Variants in USF3 observed in about 807,000 individuals in gnomAD.
USF3 encodes the protein basic helix-loop-helix domain-containing protein USF3.
USF3 carries 29 observed loss-of-function variants against 157.5 expected under a neutral mutation model. The ratio of observed to expected loss-of-function variants is 0.18; its 90% CI spans 0.14 to 0.25. The LOEUF (loss-of-function observed/expected upper bound fraction) is 0.25, where lower values mean the gene tolerates loss of function less well. Among genes scored for constraint, USF3 ranks in the 10% least tolerant of loss-of-function variants. The probability of loss-of-function intolerance (pLI) is 1.00; values close to 1 mark genes in which losing one functional copy is unlikely to be tolerated. For synonymous variants in USF3, 893 were observed against 941.4 expected, an observed-to-expected ratio of 0.95 and a Z score of 0.94; for missense variants, 2,381 against 2,667.6, an observed-to-expected ratio of 0.89 and a Z score of 2.37.
intron 2 of USF3, among the ~76,000 whole-genome samples, chr3:113,675,635 A>T (rs1707264671): frequency 6.6e-6 from 1 of 152,204 alleles, no homozygotes; most frequent in Non-Finnish European, 1.5e-5. Context: ...ACTTTCAAAA[A>T]TTTCATAATG....
rs1164968341 is a variant in USF3, at chr3:113,648,798, GC to G, written c.*6145del. 1 of 152,366 alleles carries G rather than the reference GC, an allele frequency of 6.6e-6. No individual in the cohort carries two copies. Among genetic ancestry groups the G allele is most frequent in the Non-Finnish European group, 1.5e-5 (1 of 67,962 alleles). 9.4% of individuals were successfully genotyped at this position (152,366 alleles called of 1,614,324 possible). A position where few individuals can be genotyped will look rare whatever the true frequency, so the allele number is the denominator to read the frequency against. ...TTTTTGGGTGACTGCCCTACAGTAA[GC>G]TTCTCACCCAGTGTATCTATAAATA... On this transcript the variant is annotated 3_prime_UTR_variant, in exon 7 of 7. Transcript: ENST00000316407.
intron 3 of USF3, among the ~76,000 whole-genome samples, chr3:113,674,091 T>A (rs1474890996): frequency 1.3e-5 from 2 of 152,006 alleles, no homozygotes; most frequent in Non-Finnish European, 2.9e-5. Flanking sequence ...TGCTAGAAAC[T>A]CAGAAAAAAA....
intron 1 of USF3, among the ~76,000 whole-genome samples, chr3:113,691,209 C>T (rs896789226): frequency 3.3e-5 from 5 of 152,092 alleles, no homozygotes; most frequent in African/African-American, 4.8e-5. Flanking sequence ...AAAATAAATC[C>T]TTATTCAACT....
chr3:113,674,853 G>T lies in USF3; in HGVS notation c.26C>A (p.Thr9Lys). The change falls in exon 3 of 7, where the codon ACG (threonine) becomes AAG (lysine). Residue 9 changes from threonine (T) to lysine (K), a missense_variant. Thr to Lys is a moderately conservative substitution (Grantham distance 78, BLOSUM62 -1). This residue lies in a region of USF3 where 105 missense variants were observed against 158.6 expected (regional missense o/e 0.66). Transcript: ENST00000316407. ...ATACCTGTGCTGCTTTTTTGTAGGC[G>T]TCTCATTCTCTGTCATTTCTGGCAT... MPEMTENETPTKKQHRKKN... is the reference protein window; with the variant it reads MPEMTENEKPTKKQHRKKN... 6.2e-7 allele frequency: 1 copy of T among 1,613,454 alleles called. No individual in the cohort carries two copies. Among genetic ancestry groups the T allele is most frequent in the Non-Finnish European group, 8.5e-7 (1 of 1,179,472 alleles).
chr3:113,672,307 G>A (rs1027090734), intron 4 of USF3, among the ~76,000 whole-genome samples: 1 of 151,760 alleles, frequency 6.6e-6, no homozygotes, highest in East Asian at 1.9e-4. Flanking sequence ...TGTATTTTTA[G>A]AAGAGATGGG....
In USF3 at chr3:113,658,047, T is replaced by A; in HGVS notation, c.3635A>T (p.Lys1212Ile). 2 of 1,614,190 alleles carry A rather than the reference T, an allele frequency of 1.2e-6. No individual in the cohort carries two copies. Among genetic ancestry groups the A allele is most frequent in the Non-Finnish European group, 1.7e-6 (2 of 1,180,032 alleles). The change falls in exon 7 of 7, where the codon AAA becomes ATA. Residue 1212 changes from lysine (K) to isoleucine (I), a missense_variant. Physicochemically the swap from Lys to Ile is moderately radical, Grantham distance 102. Around this residue, in one of 6 missense-constraint regions of USF3, gnomAD observed 1,435 missense variants for 1,550.9 expected, o/e 0.93. Coordinates refer to ENST00000316407, the MANE Select transcript of USF3 (RefSeq NM_001009899.4). ...IEATMERPLE[K>I]PSCSLGIKTS... The stretch of plus-strand genomic sequence containing the variant: ...TTTAATTCCTAGAGAACAACTTGGT[T>A]TCTCAAGGGGCCTCTCCATAGTTGC...
At position 113,651,189 on chromosome 3, in the gene USF3, AAG is replaced by A; in HGVS notation, c.*3753_*3754del. 6.6e-6 allele frequency: 1 copy of A among 152,234 alleles called. No homozygotes were observed. The highest frequency in any genetic ancestry group is 1.5e-5 in the Non-Finnish European group (1 of 68,038). The allele number at this position is 152,234 out of a possible 1,614,324, so 9.4% of individuals were successfully genotyped here. ...GACTCTGTGATCAATAATGCTAAAAAAGAGACAGAGAAATGATTTAATCAATG... is the reference window on the plus strand; with the variant it reads ...GACTCTGTGATCAATAATGCTAAAAAAGACAGAGAAATGATTTAATCAATG... On this transcript the variant is annotated 3_prime_UTR_variant, in exon 7 of 7. Coordinates refer to ENST00000316407, the MANE Select transcript of USF3 (RefSeq NM_001009899.4).
At chr3:113,691,314 C>A (rs2107964886) in intron 1 of USF3, among the ~76,000 whole-genome samples, 1 of 152,346 alleles carries the variant, frequency 6.6e-6, no homozygotes. Context: ...TCTTCTTGAA[C>A]AAGTTGTTTA....
Position 113,651,623 on chromosome 3 carries a change from C to T in USF3, c.*3321G>A, listed in dbSNP as rs1947262480. 2 of 152,186 alleles carry T rather than the reference C, an allele frequency of 1.3e-5. No individual in the cohort carries two copies. Among genetic ancestry groups the T allele is most frequent in the Non-Finnish European group, 2.9e-5 (2 of 68,032 alleles). 9.4% of individuals were successfully genotyped at this position (152,186 alleles called of 1,614,324 possible). A position where few individuals can be genotyped will look rare whatever the true frequency, so the allele number is the denominator to read the frequency against. ...ATAACAAATTTCTTCCCAAAAATCACGTAGCTCTATCAAATACTTAATACT... is the reference window on the plus strand; with the variant it reads ...ATAACAAATTTCTTCCCAAAAATCATGTAGCTCTATCAAATACTTAATACT... On this transcript the variant is annotated 3_prime_UTR_variant, in exon 7 of 7. Transcript: ENST00000316407.
chr3:113,658,263 A>G lies in USF3; in HGVS notation c.3419T>C (p.Ile1140Thr). The G allele has an allele frequency of 6.2e-7, 1 of 1,614,118 alleles. No individual in the cohort carries two copies. The highest frequency in any genetic ancestry group is 8.5e-7 in the Non-Finnish European group (1 of 1,179,976). The part of the protein sequence containing the change: ...TDIVALAARA[I>T]FDQENLEKGR... The stretch of plus-strand genomic sequence containing the variant: ...CTTCTCAAGGTTCTCCTGGTCAAAA[A>G]TAGCTCTTGCTGCAAGAGCTACTAT... Residue 1140 changes from isoleucine to threonine, a missense_variant, in exon 7 of 7, where the codon ATT becomes ACT. Coordinates refer to ENST00000316407, the MANE Select transcript of USF3 (RefSeq NM_001009899.4).
At chr3:113,664,892 G>C (rs1257312041) in intron 5 of USF3, among the ~76,000 whole-genome samples, 1 of 152,150 alleles carries the variant, frequency 6.6e-6, no homozygotes, top group Non-Finnish European at 1.5e-5. Context: ...AGACAGAGAT[G>C]ATCTCTCTCT....
intron 6 of USF3, among the ~76,000 whole-genome samples, chr3:113,663,168 G>A (rs1040898448): frequency 6.6e-6 from 1 of 151,876 alleles, no homozygotes; most frequent in African/African-American, 2.4e-5. Context: ...AACAAACACA[G>A]ATTTAGGCTG....
At chr3:113,670,240 T>A in intron 4 of USF3, 37 bp from the exon 5 acceptor site, 1 of 1,234,592 alleles carries the variant, frequency 8.1e-7, no homozygotes, top group Non-Finnish European at 1.2e-6. Context: ...AACCTTACAC[T>A]ACTTAGTCAA....
rs1947480948 is a variant in USF3 at position 113,661,270 on chromosome 3, TAAC to T, written c.409_411del (p.Val137del). 6 of 1,614,036 alleles carry T rather than the reference TAAC, an allele frequency of 3.7e-6. No homozygotes were observed. In the Admixed American group the frequency reaches 1.0e-4, roughly 27 times the overall value. On this transcript the variant is annotated inframe_deletion, in exon 7 of 7. Coordinates refer to ENST00000316407, the MANE Select transcript of USF3 (RefSeq NM_001009899.4). Reference sequence around the variant, plus strand: ...TTTTTTTGAACCTGGTCACTAGGAATAACAACAGAGACCTTTGAGTTTTTAAGA... The same window carrying T: ...TTTTTTTGAACCTGGTCACTAGGAATAACAGAGACCTTTGAGTTTTTAAGA...
rs1294092051 is a variant in USF3, at chr3:113,657,216, T to C, written c.4466A>G (p.Tyr1489Cys). The C allele has an allele frequency of 6.2e-7, 1 of 1,614,208 alleles. No homozygotes were observed. The highest frequency in any genetic ancestry group is 1.3e-5 in the African/African-American group (1 of 75,060). The change falls in exon 7 of 7, where the codon TAT becomes TGT. Residue 1489 changes from tyrosine to cysteine, a missense_variant. Physicochemically the swap from Tyr to Cys is radical, Grantham distance 194 (BLOSUM62 -2). Coordinates refer to ENST00000316407, the MANE Select transcript of USF3 (RefSeq NM_001009899.4). ...AGQLRERHHL[Y>C]QMQHHVPHAE... ...ATGAGGTACATGATGCTGCATTTGA[T>C]ATAAGTGATGCCTCTCTCTTAACTG...
intron 1 of USF3, among the ~76,000 whole-genome samples, chr3:113,690,935 C>T (rs1707668896): frequency 6.6e-6 from 1 of 152,156 alleles, no homozygotes; most frequent in Non-Finnish European, 1.5e-5. Context: ...CACCTGTAAT[C>T]CCAGCACTTT....
rs558036582 is a variant in USF3 at position 113,660,775 on chromosome 3, T to C, written c.907A>G (p.Ile303Val). The change falls in exon 7 of 7, where the codon ATC (isoleucine) becomes GTC (valine). Residue 303 changes from isoleucine (I) to valine (V), a missense_variant. Physicochemically the swap from Ile to Val is conservative, Grantham distance 29. This residue lies in a region of USF3 where 1,435 missense variants were observed against 1,550.9 expected (regional missense o/e 0.93). Transcript: ENST00000316407. Reference sequence around the variant, plus strand: ...GCAGTTGCTGAGGAGCTGTGGGGGATGTTTGTAACACAAGGGGTCATTTTC... The same window carrying C: ...GCAGTTGCTGAGGAGCTGTGGGGGACGTTTGTAACACAAGGGGTCATTTTC... The part of the protein sequence containing the change: ...LKKMTPCVTN[I>V]PHSSSATATK... 4 of 1,614,234 alleles carry C rather than the reference T, an allele frequency of 2.5e-6. No individual in the cohort carries two copies. The African/African-American group carries it at 4.0e-5, about 16-fold the overall frequency.
intron 4 of USF3, among the ~76,000 whole-genome samples, chr3:113,672,314 T>C (rs528734291): frequency 1.3e-5 from 2 of 151,906 alleles, no homozygotes; most frequent in East Asian, 1.9e-4. Context: ...TTAGAAGAGA[T>C]GGGGTTTCGC....
rs1323702060 is a variant in USF3 at position 113,659,056 on chromosome 3, T to C, written c.2626A>G (p.Ile876Val). The change falls in exon 7 of 7, where the codon ATA (isoleucine) becomes GTA (valine). Residue 876 changes from isoleucine to valine, a missense_variant. Around this residue, in one of 6 missense-constraint regions of USF3, gnomAD observed 1,435 missense variants for 1,550.9 expected, o/e 0.93. Transcript: ENST00000316407. ...SLGVLSSESL[I>V]PESVSKSKSA... ...TTAGATTTCGATACAGACTCAGGTATTAATGATTCAGAGCTTAGAACACCC... is the reference window on the plus strand; with the variant it reads ...TTAGATTTCGATACAGACTCAGGTACTAATGATTCAGAGCTTAGAACACCC... 1.2e-6 allele frequency: 2 copies of C among 1,614,200 alleles called. No individual in the cohort carries two copies. The highest frequency in any genetic ancestry group is 1.7e-6 in the Non-Finnish European group (2 of 1,180,020).
Sources: gnomAD v4.1 joint callset for allele counts (sites outside exome capture counted in the v4.1 genomes callset) on GRCh38, gnomAD v4.1.1 for gene constraint, gnomAD v4.1.1 regional missense constraint, MANE v1.5 for transcripts, NCBI Gene and HGNC (gene_info 2026-07-23, HGNC 2026-07-21) for gene names.